The following OSBPL6 variants were observed in gnomAD, a reference collection of about 807,000 sequenced individuals.
OSBPL6 encodes the protein oxysterol-binding protein-related protein 6.
Under a neutral mutation model 125.8 loss-of-function variants are expected in OSBPL6, and 49 were observed. The ratio of observed to expected loss-of-function variants is 0.39; its 90% confidence interval spans 0.31 to 0.49. The LOEUF (loss-of-function observed/expected upper bound fraction) is 0.49. Among genes scored for constraint, OSBPL6 ranks in the 20% least tolerant of loss-of-function variants. The probability of loss-of-function intolerance (pLI) is 0.88; values close to 1 mark genes in which losing one functional copy is unlikely to be tolerated. For synonymous variants in OSBPL6, 394 were observed against 391.8 expected (o/e 1.01, Z -0.07); for missense variants, 986 against 1,135.4 (o/e 0.87, Z 1.89).
At chr2:178,278,806 G>A (rs2092521346) in intron 1 of OSBPL6, among the ~76,000 whole-genome samples, 1 of 151,984 alleles carries the variant, frequency 6.6e-6, no homozygotes, top group African/African-American at 2.4e-5. Context: ...TGCTGCCAGT[G>A]GAAAAAAGCA....
At position 178,395,721 on chromosome 2, in the gene OSBPL6, A is replaced by G. The variant is rs1303886570; in HGVS notation, c.*162A>G. On this transcript the variant is annotated 3_prime_UTR_variant, in exon 25 of 25. Coordinates refer to ENST00000190611, the MANE Select transcript of OSBPL6 (RefSeq NM_032523.4). ...TGGACTTTCAGAAGTGCATTAGACA[A>G]GGCCCCTAACCACTTTGGGATCCTT... 1.8e-6 allele frequency: 1 copy of G among 549,412 alleles called. No homozygotes were observed. Among genetic ancestry groups the G allele is most frequent in the Non-Finnish European group, 3.3e-6 (1 of 301,922 alleles). 34.0% of individuals were successfully genotyped at this position (549,412 alleles called of 1,614,324 possible).
Position 178,396,306 on chromosome 2 carries a change from T to A in OSBPL6, c.*747T>A, listed in dbSNP as rs1211681413. 6.5e-6 allele frequency: 1 copy of A among 153,796 alleles called. No individual in the cohort carries two copies. 9.5% of individuals were successfully genotyped at this position (153,796 alleles called of 1,614,324 possible). ...TAAGTCAGTTACCATATGGTATGTC[T>A]GAAGGGAAAGAAGGAAAAGACGTGC... On this transcript the variant is annotated 3_prime_UTR_variant, in exon 25 of 25. Coordinates refer to ENST00000190611, the MANE Select transcript of OSBPL6 (RefSeq NM_032523.4).
chr2:178,334,505 G>GTTAT (rs537806642), intron 8 of OSBPL6, among the ~76,000 whole-genome samples: 5 of 151,934 alleles, frequency 3.3e-5, no homozygotes, highest in Non-Finnish European at 7.4e-5. Flanking sequence ...CAAACCTTAC[G>GTTAT]TTATTTATTT....
At chr2:178,390,910 C>G (rs1026899666) in intron 21 of OSBPL6, among the ~76,000 whole-genome samples, 163 bp from the exon 22 acceptor site, 2 of 152,186 alleles carry the variant, frequency 1.3e-5, no homozygotes, top group African/African-American at 4.8e-5. Context: ...TAAGCTAACT[C>G]TTAGAAAGCC....
intron 1 of OSBPL6, among the ~76,000 whole-genome samples, chr2:178,208,652 C>T (rs1165085776): frequency 7.1e-5 from 9 of 126,634 alleles, no homozygotes; most frequent in African/African-American, 2.1e-4. Flanking sequence ...CTCCCTTCCC[C>T]TCCCCTTCCC....
In OSBPL6 at chr2:178,198,754, G is replaced by A. The variant is rs527325074; in HGVS notation, c.-351+4080G>A. On this transcript the variant is annotated intron_variant, in intron 1 of 24. Coordinates refer to ENST00000190611, the MANE Select transcript of OSBPL6 (RefSeq NM_032523.4). ...TCTGTAATATGGACATACTATTAGG[G>A]CTTAACTCTCCAGTTGTGTCAAATA... Among the ~76,000 whole-genome samples, 7 of 152,188 alleles carry A rather than the reference G, an allele frequency of 4.6e-5. No individual in the cohort carries two copies. In the East Asian group the frequency reaches 1.3e-3, roughly 29 times the overall value.
chr2:178,336,630 G>T (rs1176330348), intron 9 of OSBPL6, among the ~76,000 whole-genome samples, 197 bp downstream of exon 9: 1 of 152,068 alleles, frequency 6.6e-6, no homozygotes, highest in African/African-American at 2.4e-5. Context: ...CTCCTTACCT[G>T]CCAGTTCTCT....
intron 1 of OSBPL6, among the ~76,000 whole-genome samples, chr2:178,224,155 G>A (rs796220538): frequency 7.9e-5 from 12 of 152,298 alleles, no homozygotes; most frequent in African/African-American, 2.4e-4. Context: ...CAATGAACCC[G>A]GGAAGGGAGA....
intron 12 of OSBPL6, among the ~76,000 whole-genome samples, chr2:178,356,571 G>C (rs2154094824): frequency 6.6e-6 from 1 of 152,266 alleles, no homozygotes; most frequent in African/African-American, 2.4e-5. Flanking sequence ...ACACACCACT[G>C]CACAATGAAA....
chr2:178,337,642 A>T (rs1689807993), intron 9 of OSBPL6, among the ~76,000 whole-genome samples: 1 of 152,206 alleles, frequency 6.6e-6, no homozygotes, highest in African/African-American at 2.4e-5. Flanking sequence ...TAGGAGAGCT[A>T]AATGCTACTA....
At position 178,331,603 on chromosome 2, in the gene OSBPL6, G is replaced by A. The variant is rs915936757; in HGVS notation, c.370G>A (p.Asp124Asn). The A allele has an allele frequency of 2.5e-6, 4 of 1,613,994 alleles. No individual in the cohort carries two copies. Among genetic ancestry groups the A allele is most frequent in the East Asian group, 4.5e-5 (2 of 44,862 alleles). Residue 124 changes from aspartate to asparagine, a missense_variant and splice_region_variant, in exon 6 of 25, where the codon GAT becomes AAT. Transcript: ENST00000190611. Reference sequence around the variant, plus strand: ...GTTAAAGTATTCAAAGGCACCACTCGATGTAAGTAGCACACAGGACATGTT... The same window carrying A: ...GTTAAAGTATTCAAAGGCACCACTCAATGTAAGTAGCACACAGGACATGTT... ...GMLKYSKAPL[D>N]IQKGKVHGSI...
At chr2:178,278,473 G>A (rs1429456969) in intron 1 of OSBPL6, among the ~76,000 whole-genome samples, 1 of 152,012 alleles carries the variant, frequency 6.6e-6, no homozygotes, top group African/African-American at 2.4e-5. Context: ...ACTTAGTGGT[G>A]GATATGAAAA....
intron 1 of OSBPL6, among the ~76,000 whole-genome samples, chr2:178,252,414 T>C (rs1273417122): frequency 6.6e-6 from 1 of 151,574 alleles, no homozygotes; most frequent in Non-Finnish European, 1.5e-5. Flanking sequence ...CCAATAAAAC[T>C]TTTATTGTAA....
intron 8 of OSBPL6, among the ~76,000 whole-genome samples, chr2:178,334,563 A>G (rs1361199017): frequency 6.6e-6 from 1 of 152,152 alleles, no homozygotes; most frequent in Admixed American, 6.6e-5. Context: ...TCTGTCACCC[A>G]GGCTGGAGTG....
At chr2:178,370,900 T>C (rs555725157) in intron 13 of OSBPL6, among the ~76,000 whole-genome samples, 1 of 152,302 alleles carries the variant, frequency 6.6e-6, no homozygotes, top group East Asian at 1.9e-4. Context: ...GGGACCAGGA[T>C]GGAGAGAGGA....
In OSBPL6 at chr2:178,339,667, T is replaced by C. The variant is rs1450491108; in HGVS notation, c.895-5T>C. On this transcript the variant is annotated splice_region_variant and splice_polypyrimidine_tract_variant and intron_variant, in intron 10 of 24. Coordinates refer to ENST00000190611, the MANE Select transcript of OSBPL6 (RefSeq NM_032523.4). ...TTGTTGCTTTTAACTATTTGTGTAA[T>C]GTAGGCTAACTGTGTAGATATTTCA... The C allele has an allele frequency of 1.3e-6, 2 of 1,589,102 alleles. No homozygotes were observed. Among genetic ancestry groups the C allele is most frequent in the Non-Finnish European group, 8.5e-7 (1 of 1,169,612 alleles).
intron 4 of OSBPL6, among the ~76,000 whole-genome samples, chr2:178,327,566 T>C (rs906540727): frequency 3.9e-5 from 6 of 152,218 alleles, no homozygotes; most frequent in Non-Finnish European, 8.8e-5. Flanking sequence ...AGACTTTTTA[T>C]AAGAGCCTAC....
intron 19 of OSBPL6, 40 bp downstream of exon 19, chr2:178,385,561 C>T (rs370224659): frequency 1.5e-4 from 213 of 1,463,458 alleles, no homozygotes; most frequent in Admixed American, 3.3e-4. Flanking sequence ...AATGTATGAG[C>T]CTATGAAAAA....
chr2:178,225,027 G>C (rs115456563), intron 1 of OSBPL6, among the ~76,000 whole-genome samples: 1 of 100,148 alleles, frequency 1.0e-5, no homozygotes, highest in East Asian at 2.6e-4. Flanking sequence ...CTCTCTCTCT[G>C]AGTGTGTGTG....
Sources: allele counts gnomAD v4.1 joint callset (sites outside exome capture counted in the v4.1 genomes callset), GRCh38; gene constraint gnomAD v4.1.1; transcripts MANE v1.5; gene names NCBI Gene and HGNC (gene_info 2026-07-23, HGNC 2026-07-21).